RPS6KA2: variants seen among roughly 807,000 people sequenced by gnomAD.
RPS6KA2 encodes ribosomal protein S6 kinase alpha-2.
In RPS6KA2, 42 loss-of-function variants were observed where a neutral mutation model predicts 91.8. That is an observed-to-expected ratio of 0.46 (90% confidence interval 0.36 to 0.59). RPS6KA2 has a LOEUF of 0.59. RPS6KA2 is among the 20% of genes least tolerant of loss of function. The pLI, the probability that RPS6KA2 is intolerant of heterozygous loss-of-function variation, is 0.00. For missense variants in RPS6KA2, 798 were observed against 978.5 expected (o/e 0.82, Z 2.46); for synonymous variants, 414 against 393.6 (o/e 1.05, Z -0.61).
intron 2 of RPS6KA2, among the ~76,000 whole-genome samples, chr6:166,534,081 G>C (rs539027525): frequency 6.6e-6 from 1 of 152,138 alleles, no homozygotes; most frequent in East Asian, 1.9e-4. Flanking sequence ...AATTAGCCAG[G>C]CGCTGTGGCA....
At chr6:166,731,221 A>G (rs551832399) in intron 2 of RPS6KA2, among the ~76,000 whole-genome samples, 1 of 152,016 alleles carries the variant, frequency 6.6e-6, no homozygotes, top group Non-Finnish European at 1.5e-5. Context: ...CAGTCTGGGC[A>G]ACAAGAGCAA....
intron 3 of RPS6KA2, among the ~76,000 whole-genome samples, chr6:166,523,288 T>G (rs1468281139): frequency 6.6e-6 from 1 of 152,224 alleles, no homozygotes; most frequent in East Asian, 1.9e-4. Context: ...GGAGACATTT[T>G]CATTTTGTTT....
rs1406085417 is a variant in RPS6KA2, at chr6:166,435,150, G to C, written c.1333-2660C>G. On this transcript the variant is annotated intron_variant, in intron 14 of 20. Coordinates refer to ENST00000265678, the MANE Select transcript of RPS6KA2 (RefSeq NM_021135.6). This position sits in a 1 kb window ranked among gnomAD's most constrained non-coding sequence, Gnocchi z 4.3. ...CGTGACTATTATTTTAAAGAATCTG[G>C]GACTACAGATGGCTGCCCTCTCAAC... Among the ~76,000 whole-genome samples the C allele has an allele frequency of 1.3e-5, 2 of 152,010 alleles. No homozygotes were observed. The highest frequency in any genetic ancestry group is 2.9e-5 in the Non-Finnish European group (2 of 67,996).
chr6:166,824,787 G>A (rs55980923), intron 2 of RPS6KA2, among the ~76,000 whole-genome samples: 97,801 of 132,368 alleles, frequency 0.74, 36,600 homozygotes, highest in East Asian at 0.95. Flanking sequence ...GTGTGTGTCT[G>A]TGTGTGTGTC....
At chr6:166,848,535 G>A (rs1448841389) in intron 2 of RPS6KA2, among the ~76,000 whole-genome samples, 1 of 152,204 alleles carries the variant, frequency 6.6e-6, no homozygotes, top group African/African-American at 2.4e-5. Context: ...AGTGGATAAA[G>A]CAACTGTGGT....
chr6:166,729,879 A>G (rs1003580083), intron 2 of RPS6KA2, among the ~76,000 whole-genome samples: 3 of 152,200 alleles, frequency 2.0e-5, no homozygotes, highest in African/African-American at 7.2e-5. Flanking sequence ...ACGAAATTCA[A>G]GGGCCCTTCT....
At chr6:166,667,889 G>A (rs1430801173) in intron 2 of RPS6KA2, among the ~76,000 whole-genome samples, 1 of 152,182 alleles carries the variant, frequency 6.6e-6, no homozygotes, top group African/African-American at 2.4e-5. Context: ...TGAAACCCCT[G>A]GGCCCTGAGT....
chr6:166,685,160 G>A (rs1363175536), intron 2 of RPS6KA2, among the ~76,000 whole-genome samples: 2 of 152,214 alleles, frequency 1.3e-5, no homozygotes, highest in African/African-American at 4.8e-5. Flanking sequence ...GTATGGGTGG[G>A]TGTGCAGGCT....
Position 166,603,291 on chromosome 6 carries a change from G to A in RPS6KA2, c.99+23630C>T, listed in dbSNP as rs946272733. On this transcript the variant is annotated intron_variant, in intron 1 of 20. Coordinates refer to ENST00000265678, the MANE Select transcript of RPS6KA2 (RefSeq NM_021135.6). The surrounding 1 kb of genome is among the most constrained non-coding windows in gnomAD (Gnocchi z 4.3). Reference sequence around the variant, plus strand: ...GGCTGAGATCACTGCACCTGCTCTCGGCTTGTGTGGGCCATGGCTCTTTCA... The same window carrying A: ...GGCTGAGATCACTGCACCTGCTCTCAGCTTGTGTGGGCCATGGCTCTTTCA... Among the ~76,000 whole-genome samples, 5 of 152,130 alleles carry A rather than the reference G, an allele frequency of 3.3e-5. No individual in the cohort carries two copies. Among genetic ancestry groups the A allele is most frequent in the African/African-American group, 1.2e-4 (5 of 41,428 alleles).
At chr6:166,539,332 C>T (rs1247819660) in intron 1 of RPS6KA2, among the ~76,000 whole-genome samples, 1 of 152,082 alleles carries the variant, frequency 6.6e-6, no homozygotes. Context: ...CCAAGGCCTC[C>T]GAAAAATCTA....
chr6:166,454,126 C>T (rs1780008318), intron 12 of RPS6KA2, among the ~76,000 whole-genome samples: 1 of 152,174 alleles, frequency 6.6e-6, no homozygotes. Flanking sequence ...GTGATGGTTA[C>T]ACTAAAAGAC....
chr6:166,524,798 G>A (rs113418773), intron 3 of RPS6KA2, among the ~76,000 whole-genome samples: 7,498 of 152,290 alleles, frequency 0.049, 262 homozygotes, highest in Non-Finnish European at 0.073. Context: ...TCAGCAGGGG[G>A]ACACTGAGGC....
At chr6:166,422,385 A>T (rs1244136118) in intron 17 of RPS6KA2, among the ~76,000 whole-genome samples, 1 of 152,138 alleles carries the variant, frequency 6.6e-6, no homozygotes, top group East Asian at 1.9e-4. Context: ...ACCCACAGTG[A>T]GATGCCAGGC....
At chr6:166,750,202 A>G (rs1310042630) in intron 2 of RPS6KA2, among the ~76,000 whole-genome samples, 2 of 152,166 alleles carry the variant, frequency 1.3e-5, no homozygotes, top group African/African-American at 4.8e-5. Flanking sequence ...TGAGCCATAC[A>G]GGATTAGCGT....
In RPS6KA2 at chr6:166,437,421, C is replaced by T. The variant is rs78580084; in HGVS notation, c.1333-4931G>A. On this transcript the variant is annotated intron_variant, in intron 14 of 20. Transcript: ENST00000265678. This position sits in a 1 kb window ranked among gnomAD's most constrained non-coding sequence, Gnocchi z 4.3. Reference sequence around the variant, plus strand: ...GAACAAGGCCTCCCCTCCAGGCTGACGCTCAAATAATGCTGACGCGCCACG... The same window carrying T: ...GAACAAGGCCTCCCCTCCAGGCTGATGCTCAAATAATGCTGACGCGCCACG... Among the ~76,000 whole-genome samples, 4,319 of 152,274 alleles carry T rather than the reference C, an allele frequency of 0.028. 106 individuals carry two copies. Among genetic ancestry groups the T allele is most frequent in the East Asian group, 0.052 (268 of 5,192 alleles).
intron 2 of RPS6KA2, among the ~76,000 whole-genome samples, chr6:166,840,537 C>T (rs1018846378): frequency 1.3e-5 from 2 of 152,168 alleles, no homozygotes; most frequent in Admixed American, 6.5e-5. Context: ...TTCCTTTCCT[C>T]GCCATTTCTC....
chr6:166,624,091 TA>T (rs1160080640), intron 1 of RPS6KA2, among the ~76,000 whole-genome samples: 1 of 152,014 alleles, frequency 6.6e-6, no homozygotes, highest in Admixed American at 6.5e-5. Flanking sequence ...TTTAAAAAAA[TA>T]AAAAATGAAA....
At chr6:166,598,202 G>T (rs1348166931) in intron 1 of RPS6KA2, among the ~76,000 whole-genome samples, 1 of 152,200 alleles carries the variant, frequency 6.6e-6, no homozygotes, top group East Asian at 1.9e-4. Flanking sequence ...GGGCCAAATT[G>T]GAGCACAGGA....
intron 2 of RPS6KA2, among the ~76,000 whole-genome samples, chr6:166,816,716 G>T (rs909693012): frequency 6.6e-6 from 1 of 152,190 alleles, no homozygotes; most frequent in South Asian, 2.1e-4. Context: ...TTACTCCACA[G>T]GAAGTATTCA....
Sources: allele counts gnomAD v4.1 joint callset (sites outside exome capture counted in the v4.1 genomes callset), GRCh38; gene constraint gnomAD v4.1.1; non-coding constraint Gnocchi (gnomAD v3.1); transcripts MANE v1.5; gene names NCBI Gene and HGNC (gene_info 2026-07-23, HGNC 2026-07-21).